The following FGF14 variants were observed in gnomAD, a reference collection of about 807,000 sequenced individuals.
FGF14 encodes the protein fibroblast growth factor 14.
Under a neutral mutation model 25.5 loss-of-function variants are expected in FGF14, and 5 were observed. That is an observed-to-expected ratio of 0.20 (90% confidence interval 0.10 to 0.41). The LOEUF (loss-of-function observed/expected upper bound fraction) is 0.41, where lower values mean the gene tolerates loss of function less well. Among genes scored for constraint, FGF14 ranks in the 10% least tolerant of loss-of-function variants. FGF14 has a pLI of 1.00. For missense variants in FGF14, 222 were observed against 320.1 expected (o/e 0.69, Z 2.34); for synonymous variants, 138 against 118.3 (o/e 1.17, Z -1.08).
chr13:101,854,707 C>A (rs1258576868), intron 3 of FGF14, among the ~76,000 whole-genome samples: 1 of 152,070 alleles, frequency 6.6e-6, no homozygotes, highest in Non-Finnish European at 1.5e-5. Context: ...CTATTGCCAA[C>A]TCTCATTCAA....
chr13:102,122,349 C>T (rs2045763146), intron 1 of FGF14, among the ~76,000 whole-genome samples: 1 of 152,190 alleles, frequency 6.6e-6, no homozygotes, highest in Non-Finnish European at 1.5e-5. Flanking sequence ...AATCACATCT[C>T]ATCCCTCCAC....
intron 1 of FGF14, chr13:102,292,205 T>C (rs770659546): frequency 8.3e-5 from 12 of 143,758 alleles, no homozygotes; most frequent in Non-Finnish European, 1.8e-4. Context: ...ATCCCAGAAA[T>C]TGACAAAAAC....
chr13:101,947,289 C>T (rs1026878701), intron 1 of FGF14, among the ~76,000 whole-genome samples: 24 of 152,172 alleles, frequency 1.6e-4, no homozygotes, highest in Non-Finnish European at 1.0e-4. Context: ...TCTCTAAGAA[C>T]TTAAAACAGA....
chr13:101,932,847 G>A (rs1341135574), intron 1 of FGF14, among the ~76,000 whole-genome samples: 2 of 150,678 alleles, frequency 1.3e-5, no homozygotes, highest in Non-Finnish European at 3.0e-5. Flanking sequence ...TGGCTTTAGT[G>A]TTTAACACGG....
chr13:102,136,613 C>T (rs538688008), intron 1 of FGF14, among the ~76,000 whole-genome samples: 1 of 148,992 alleles, frequency 6.7e-6, no homozygotes, highest in East Asian at 2.0e-4. Flanking sequence ...TCAACATAGG[C>T]AGCAAGCCTA....
chr13:102,294,232 A>C (rs957962676), intron 1 of FGF14, among the ~76,000 whole-genome samples: 1 of 152,210 alleles, frequency 6.6e-6, no homozygotes, highest in African/African-American at 2.4e-5. Context: ...ATTTATTCAA[A>C]TAAAATGTCT....
chr13:102,070,952 AC>A (rs2043129079), intron 1 of FGF14, among the ~76,000 whole-genome samples: 1 of 101,718 alleles, frequency 9.8e-6, no homozygotes, highest in East Asian at 3.3e-4. Context: ...ACAAAACAAA[AC>A]AAAACACACA....
intron 1 of FGF14, among the ~76,000 whole-genome samples, chr13:102,334,575 G>T (rs1011420622): frequency 1.1e-4 from 17 of 152,086 alleles, no homozygotes; most frequent in Non-Finnish European, 2.9e-5. Flanking sequence ...TCCTCCCATT[G>T]CACCAAGATT....
At chr13:101,797,772 T>TGCGTGC (rs1555384574) in intron 3 of FGF14, among the ~76,000 whole-genome samples, 44 of 145,668 alleles carry the variant, frequency 3.0e-4, no homozygotes, top group African/African-American at 9.0e-4. Context: ...TGTGTGTGTG[T>TGCGTGC]GTGTGTGTGT....
intron 1 of FGF14, among the ~76,000 whole-genome samples, chr13:102,348,563 T>C (rs937559360): frequency 1.3e-5 from 2 of 151,912 alleles, no homozygotes; most frequent in African/African-American, 4.8e-5. Flanking sequence ...ATAGAGAAAA[T>C]CACAAAGATA....
At chr13:102,210,938 A>C (rs933181422) in intron 1 of FGF14, among the ~76,000 whole-genome samples, 7 of 152,124 alleles carry the variant, frequency 4.6e-5, no homozygotes, top group African/African-American at 1.7e-4. Flanking sequence ...TATTGTCATG[A>C]GGTAACTCTT....
chr13:102,356,399 T>C (rs557479489), intron 1 of FGF14, among the ~76,000 whole-genome samples: 3 of 152,252 alleles, frequency 2.0e-5, no homozygotes, highest in Non-Finnish European at 4.4e-5. Flanking sequence ...GAAAGAGTTG[T>C]AATTGCTTTA....
chr13:101,975,374 C>T (rs927148289), intron 1 of FGF14, among the ~76,000 whole-genome samples: 1 of 152,052 alleles, frequency 6.6e-6, no homozygotes, highest in Non-Finnish European at 1.5e-5. Context: ...TTATGCCTGA[C>T]CCCCCACCAT....
At chr13:101,776,412 C>T (rs545648294) in intron 3 of FGF14, among the ~76,000 whole-genome samples, 2 of 152,280 alleles carry the variant, frequency 1.3e-5, no homozygotes, top group South Asian at 4.1e-4. Flanking sequence ...CATGGATAAT[C>T]ATCAGACTGT....
chr13:102,213,108 C>T (rs1286137927), intron 1 of FGF14, among the ~76,000 whole-genome samples: 2 of 152,198 alleles, frequency 1.3e-5, no homozygotes, highest in African/African-American at 2.4e-5. Context: ...GCCTGCTAAG[C>T]AGGAGATTCA....
intron 1 of FGF14, among the ~76,000 whole-genome samples, chr13:102,312,589 A>T (rs1358962611): frequency 6.6e-6 from 1 of 152,208 alleles, no homozygotes; most frequent in Non-Finnish European, 1.5e-5. Context: ...GCATTATACC[A>T]CTGCACTATT....
intron 1 of FGF14, among the ~76,000 whole-genome samples, chr13:102,145,173 TTGAGCCC>T (rs1566741740): frequency 6.6e-6 from 1 of 152,172 alleles, no homozygotes; most frequent in Non-Finnish European, 1.5e-5. Context: ...TTGGAGGAGG[TTGAGCCC>T]TCCTTAGCAC....
In FGF14 at chr13:102,052,673, G is replaced by A. The variant is rs370617571; in HGVS notation, c.209-177377C>T. Among the ~76,000 whole-genome samples, 40 of 151,988 alleles carry A rather than the reference G, an allele frequency of 2.6e-4. No individual in the cohort carries two copies. The East Asian group carries it at 3.5e-3, about 13-fold the overall frequency. ...AAAAAAACTGTCAACCAAGAATACC[G>A]TATCCAGCAAATATGTCCTTCAGAA... On this transcript the variant is annotated intron_variant, in intron 1 of 4. Transcript: ENST00000376131.
At chr13:102,258,590 C>A (rs2052562663) in intron 1 of FGF14, among the ~76,000 whole-genome samples, 1 of 152,054 alleles carries the variant, frequency 6.6e-6, no homozygotes, top group Non-Finnish European at 1.5e-5. Context: ...GACGGGAGCC[C>A]ATGAGAAGAA....
Sources: gnomAD v4.1 joint callset for allele counts (sites outside exome capture counted in the v4.1 genomes callset) on GRCh38, gnomAD v4.1.1 for gene constraint, MANE v1.5 for transcripts, NCBI Gene and HGNC (gene_info 2026-07-23, HGNC 2026-07-21) for gene names.